EPB41L1: variants seen among roughly 807,000 people sequenced by gnomAD.
EPB41L1 encodes band 4.1-like protein 1.
In EPB41L1, 29 loss-of-function variants were observed where a neutral mutation model predicts 97.8. The observed-to-expected ratio is 0.30, with a 90% CI of 0.22 to 0.40. EPB41L1 has a LOEUF of 0.40. EPB41L1 is among the 10% of genes least tolerant of loss of function. The pLI is 1.00. For missense variants in EPB41L1, 812 were observed against 1,162.3 expected (o/e 0.70, Z 4.38); for synonymous variants, 383 against 459.2 (o/e 0.83, Z 2.12).
chr20:36,172,686 C>T (rs550734837), intron 1 of EPB41L1, among the ~76,000 whole-genome samples: 6 of 152,032 alleles, frequency 3.9e-5, no homozygotes, highest in Admixed American at 1.3e-4. Context: ...CTGCAACCTC[C>T]GCCTCCCAGG....
intron 2 of EPB41L1, among the ~76,000 whole-genome samples, chr20:36,140,707 G>A (rs1269824111): frequency 6.6e-6 from 1 of 152,150 alleles, no homozygotes; most frequent in African/African-American, 2.4e-5. Flanking sequence ...ATAATCAGAA[G>A]CCCAAGAAAT....
chr20:36,194,156 G>C (rs2062079513), intron 11 of EPB41L1, 56 bp from the exon 12 acceptor site: 15 of 1,610,826 alleles, frequency 9.3e-6, no homozygotes, highest in African/African-American at 1.3e-5. Context: ...CTGGTTCTCT[G>C]TCTGTTCTCT....
chr20:36,179,092 A>G (rs2061371710), intron 5 of EPB41L1, among the ~76,000 whole-genome samples: 2 of 151,974 alleles, frequency 1.3e-5, no homozygotes, highest in South Asian at 4.2e-4. Context: ...GAAAAAAAAA[A>G]AAAAAGAAAG....
rs573009399 is a variant in EPB41L1 at position 36,217,422 on chromosome 20, A to C, written c.2269-1454A>C. ...TTTGCCTTGGTCAGGGAGAGGAACC[A>C]CTCCTCCTGGAGGCAGGTGACGGGA... is the stretch of plus-strand genomic sequence containing the variant. On this transcript the variant is annotated intron_variant, in intron 17 of 21. Transcript: ENST00000338074. 2.6e-5 allele frequency among the ~76,000 whole-genome samples: 4 copies of C among 152,036 alleles called. No individual in the cohort carries two copies. In the South Asian group the frequency reaches 6.2e-4, roughly 24 times the overall value.
chr20:36,105,058 G>A (rs2058145333), intron 1 of EPB41L1, among the ~76,000 whole-genome samples: 1 of 152,184 alleles, frequency 6.6e-6, no homozygotes, highest in Admixed American at 6.5e-5. Context: ...TTTCCTTCCG[G>A]AAAAGGAGAA....
At chr20:36,175,841 G>A (rs760331342) in intron 3 of EPB41L1, 126 bp downstream of exon 3, 21 of 994,468 alleles carry the variant, frequency 2.1e-5, no homozygotes, top group Non-Finnish European at 2.9e-5. Flanking sequence ...AGTGTCCAGA[G>A]AGATGACCTG....
chr20:36,190,613 C>G lies in EPB41L1; in HGVS notation c.1125-9C>G, dbSNP rs763272319. 8 of 1,613,954 alleles carry G rather than the reference C, an allele frequency of 5.0e-6. No individual in the cohort carries two copies. In the South Asian group the frequency reaches 8.8e-5, roughly 18 times the overall value. On this transcript the variant is annotated splice_polypyrimidine_tract_variant and intron_variant, in intron 10 of 21. Transcript: ENST00000338074. This position sits in a 1 kb window ranked among gnomAD's most constrained non-coding sequence, Gnocchi z 5.8. ...ATTCCTCCTCCTCCCCTGCATCCCTCTGCTGCAGGCTGGTGTCCCCTGAGC... is the reference window on the plus strand; with the variant it reads ...ATTCCTCCTCCTCCCCTGCATCCCTGTGCTGCAGGCTGGTGTCCCCTGAGC...
At chr20:36,180,327 T>G (rs1461556110) in intron 5 of EPB41L1, among the ~76,000 whole-genome samples, 1 of 152,146 alleles carries the variant, frequency 6.6e-6, no homozygotes, top group Non-Finnish European at 1.5e-5. Context: ...GCTTCAGAGT[T>G]GGGTGTATCT....
chr20:36,100,959 A>G (rs895431753), intron 1 of EPB41L1, among the ~76,000 whole-genome samples: 2 of 152,122 alleles, frequency 1.3e-5, no homozygotes, highest in Admixed American at 6.5e-5. Flanking sequence ...GAGACACTGC[A>G]TCGGTATGGG....
intron 1 of EPB41L1, among the ~76,000 whole-genome samples, chr20:36,106,070 G>A (rs188870001): frequency 6.9e-6 from 1 of 144,184 alleles, no homozygotes; most frequent in Non-Finnish European, 1.5e-5. Context: ...GGGGAGGTGT[G>A]GGGGAGGGCA....
intron 2 of EPB41L1, among the ~76,000 whole-genome samples, chr20:36,115,701 G>A (rs1308450402): frequency 1.3e-5 from 2 of 152,122 alleles, no homozygotes; most frequent in Admixed American, 1.3e-4. Flanking sequence ...AGACTAGTCT[G>A]ACCAACATGG....
chr20:36,163,538 G>A (rs2145697958), intron 1 of EPB41L1, among the ~76,000 whole-genome samples: 1 of 152,274 alleles, frequency 6.6e-6, no homozygotes, highest in South Asian at 2.1e-4. Context: ...TCAGGTGGTG[G>A]ATCAGTCAGA....
At position 36,207,179 on chromosome 20, in the gene EPB41L1, T is replaced by C; in HGVS notation, c.1669-2309T>C. On this transcript the variant is annotated intron_variant, in intron 14 of 21. Coordinates refer to ENST00000338074, the MANE Select transcript of EPB41L1 (RefSeq NM_012156.2). This position sits in a 1 kb window ranked among gnomAD's most constrained non-coding sequence, Gnocchi z 4.9. ...CATGGGTCAGGGGAGCCTTCGGAGC[T>C]CAGGGAGCCCTTTCTTAGACATGTC... 1 of 1,288,284 alleles carries C rather than the reference T, an allele frequency of 7.8e-7. No individual in the cohort carries two copies. The highest frequency in any genetic ancestry group is 1.0e-6 in the Non-Finnish European group (1 of 987,766). 79.8% of individuals were successfully genotyped at this position (1,288,284 alleles called of 1,614,324 possible). A position where few individuals can be genotyped will look rare whatever the true frequency, so the allele number is the denominator to read the frequency against.
At chr20:36,095,144 G>T (rs1347874398) in intron 1 of EPB41L1, among the ~76,000 whole-genome samples, 1 of 152,020 alleles carries the variant, frequency 6.6e-6, no homozygotes, top group Non-Finnish European at 1.5e-5. Context: ...ACTAATTTTT[G>T]TATTTTTAGT....
chr20:36,159,806 A>G (rs924761673), intron 1 of EPB41L1, among the ~76,000 whole-genome samples: 1 of 152,228 alleles, frequency 6.6e-6, no homozygotes, highest in Non-Finnish European at 1.5e-5. Flanking sequence ...TGGCACTTGC[A>G]TAGAACAGGG....
intron 2 of EPB41L1, among the ~76,000 whole-genome samples, chr20:36,127,623 G>C (rs183327179): frequency 6.6e-6 from 1 of 152,268 alleles, no homozygotes; most frequent in East Asian, 1.9e-4. Context: ...TCCTGACATA[G>C]GCAGACTCAC....
At chr20:36,217,393 T>C (rs896633178) in intron 17 of EPB41L1, among the ~76,000 whole-genome samples, 1 of 152,092 alleles carries the variant, frequency 6.6e-6, no homozygotes, top group Non-Finnish European at 1.5e-5. Flanking sequence ...AAGAGAGGGC[T>C]GAGTTTGCCT....
intron 2 of EPB41L1, among the ~76,000 whole-genome samples, chr20:36,140,231 GTTT>G (rs756465286): frequency 8.2e-6 from 1 of 121,348 alleles, no homozygotes; most frequent in African/African-American, 3.0e-5. Flanking sequence ...CTTTTTGTAT[GTTT>G]TTTTTTTTTT....
At chr20:36,218,278 T>C (rs1435876343) in intron 17 of EPB41L1, among the ~76,000 whole-genome samples, 1 of 152,178 alleles carries the variant, frequency 6.6e-6, no homozygotes, top group African/African-American at 2.4e-5. Context: ...ACTGGTGTTA[T>C]GAGAATTAAA....
Sources: allele counts gnomAD v4.1 joint callset (sites outside exome capture counted in the v4.1 genomes callset), GRCh38; gene constraint gnomAD v4.1.1; non-coding constraint Gnocchi (gnomAD v3.1); transcripts MANE v1.5; gene names NCBI Gene and HGNC (gene_info 2026-07-23, HGNC 2026-07-21).